The following PCDHA7 variants were observed in gnomAD, a reference collection of about 807,000 sequenced individuals.
PCDHA7 encodes protocadherin alpha-7.
PCDHA7 carries 37 observed loss-of-function variants against 57.2 expected under a neutral mutation model. The ratio of observed to expected loss-of-function variants is 0.65; its 90% CI spans 0.50 to 0.85. The LOEUF (loss-of-function observed/expected upper bound fraction) is 0.85. PCDHA7 is among the 40% of genes least tolerant of loss of function. The pLI, the probability that PCDHA7 is intolerant of heterozygous loss-of-function variation, is 0.00. For missense variants in PCDHA7, 1,188 were observed against 1,241.8 expected (o/e 0.96, Z 0.65); for synonymous variants, 553 against 558.8 (o/e 0.99, Z 0.15).
intron 1 of PCDHA7, chr5:140,928,939 T>G (rs367874769): frequency 6.2e-7 from 1 of 1,614,012 alleles, no homozygotes; most frequent in African/African-American, 1.3e-5. Context: ...CCAGAACTTG[T>G]ATTTAGTAAT....
chr5:140,885,335 A>T (rs183720535), intron 1 of PCDHA7, among the ~76,000 whole-genome samples: 2 of 152,246 alleles, frequency 1.3e-5, no homozygotes, highest in East Asian at 3.9e-4. Context: ...CCAAAGTTTG[A>T]AGGGATTTCC....
intron 1 of PCDHA7, chr5:140,877,494 G>A: frequency 6.2e-7 from 1 of 1,613,890 alleles, no homozygotes; most frequent in Non-Finnish European, 8.5e-7. Context: ...AGAACGGCCA[G>A]GCCCCAAAGA....
intron 1 of PCDHA7, chr5:140,876,774 G>C: frequency 3.7e-6 from 6 of 1,614,228 alleles, no homozygotes; most frequent in Non-Finnish European, 5.1e-6. Flanking sequence ...GCTCGCCTTC[G>C]CTGTGGGCCA....
chr5:140,855,827 A>G lies in PCDHA7; in HGVS notation c.2355+19089A>G. 2 of 557,722 alleles carry G rather than the reference A, an allele frequency of 3.6e-6. 1 individual carries two copies. Among genetic ancestry groups the G allele is most frequent in the South Asian group, 5.7e-5 (2 of 35,188 alleles). 34.5% of individuals were successfully genotyped at this position (557,722 alleles called of 1,614,324 possible). A position where few individuals can be genotyped will look rare whatever the true frequency, so the allele number is the denominator to read the frequency against. The stretch of plus-strand genomic sequence containing the variant: ...GAAAGAAAAGTTGTGAACTCATGGA[A>G]TCGTACTTACACCTAAAGCCACCGG... On this transcript the variant is annotated intron_variant, in intron 1 of 3. Coordinates refer to ENST00000525929, the MANE Select transcript of PCDHA7 (RefSeq NM_018910.3).
intron 1 of PCDHA7, chr5:140,884,342 G>T (rs782616190): frequency 6.2e-7 from 1 of 1,613,902 alleles, no homozygotes; most frequent in Admixed American, 1.7e-5. Flanking sequence ...TCCAGAAGCG[G>T]CGCTGGTGGA....
At chr5:140,918,348 G>A (rs1184826451) in intron 1 of PCDHA7, among the ~76,000 whole-genome samples, 1 of 152,138 alleles carries the variant, frequency 6.6e-6, no homozygotes, top group Non-Finnish European at 1.5e-5. Context: ...GAGATAGGTT[G>A]ACTTCCTCTC....
At position 140,858,049 on chromosome 5, in the gene PCDHA7, G is replaced by T. The variant is rs181372488; in HGVS notation, c.2355+21311G>T. 54 of 1,597,448 alleles carry T rather than the reference G, an allele frequency of 3.4e-5. 4 individuals carry two copies. Among genetic ancestry groups the T allele is most frequent in the Non-Finnish European group, 4.4e-5 (51 of 1,167,426 alleles). On this transcript the variant is annotated intron_variant, in intron 1 of 3. Coordinates refer to ENST00000525929, the MANE Select transcript of PCDHA7 (RefSeq NM_018910.3). ...CGGCCACGGCCACTGTGCTTGTGTC[G>T]CTTGTGGAGGGCAGCCAGGCACCCA... is the stretch of plus-strand genomic sequence containing the variant.
At position 140,982,579 on chromosome 5, in the gene PCDHA7, C is replaced by G. The variant is rs781915481; in HGVS notation, c.2503+16C>G. 7 of 1,612,084 alleles carry G rather than the reference C, an allele frequency of 4.3e-6. No individual in the cohort carries two copies. In the Admixed American group the frequency reaches 1.2e-4, roughly 27 times the overall value. On this transcript the variant is annotated intron_variant, in intron 3 of 3. Coordinates refer to ENST00000525929, the MANE Select transcript of PCDHA7 (RefSeq NM_018910.3). ...GCAACACCAGGTAAAGAGCTGGGGT[C>G]TCTCCATTCTTTCTTGGTTTCTGGA...
intron 1 of PCDHA7, chr5:140,869,913 C>G: frequency 6.2e-7 from 1 of 1,610,754 alleles, no homozygotes; most frequent in Non-Finnish European, 8.5e-7. Flanking sequence ...CAGACCGAGA[C>G]GAAGGAGTCA....
chr5:140,961,155 G>A (rs1214072320), intron 1 of PCDHA7, among the ~76,000 whole-genome samples: 2 of 152,126 alleles, frequency 1.3e-5, no homozygotes, highest in Non-Finnish European at 2.9e-5. Context: ...TATTATTTCA[G>A]TACATATCTA....
chr5:140,999,594 A>G (rs1279617761), intron 3 of PCDHA7, among the ~76,000 whole-genome samples: 25 of 152,186 alleles, frequency 1.6e-4, no homozygotes, highest in Admixed American at 1.4e-3. Flanking sequence ...TGCCTTCCCT[A>G]CATCCTGGGG....
intron 1 of PCDHA7, chr5:140,850,366 T>A (rs1226004214): frequency 1.3e-6 from 2 of 1,597,368 alleles, no homozygotes; most frequent in Non-Finnish European, 1.7e-6. Context: ...CCGTTCCGCG[T>A]GGGGCTGTAC....
chr5:140,967,748 G>T, intron 1 of PCDHA7: 1 of 1,614,204 alleles, frequency 6.2e-7, no homozygotes, highest in Non-Finnish European at 8.5e-7. Context: ...TTATGAGGAA[G>T]CCTCCTCCTA....
intron 1 of PCDHA7, among the ~76,000 whole-genome samples, chr5:140,941,916 A>G (rs191775899): frequency 2.8e-3 from 421 of 152,316 alleles, no homozygotes; most frequent in Middle Eastern, 6.8e-3. Flanking sequence ...GCTTTTATGT[A>G]TATCTTAAAA....
chr5:140,890,632 T>C (rs561301430), intron 1 of PCDHA7, among the ~76,000 whole-genome samples: 28 of 152,330 alleles, frequency 1.8e-4, no homozygotes, highest in African/African-American at 6.0e-4. Context: ...ATTAAGCATG[T>C]ATCCTTGATA....
chr5:140,848,630 G>A (rs143400939), intron 1 of PCDHA7: 3 of 1,593,262 alleles, frequency 1.9e-6, no homozygotes, highest in African/African-American at 2.7e-5. Context: ...GCACCTTCGT[G>A]GGCCGCATCG....
In PCDHA7 at chr5:140,982,463, G is replaced by A. The variant is rs781833977; in HGVS notation, c.2415-12G>A. 1 of 1,614,060 alleles carries A rather than the reference G, an allele frequency of 6.2e-7. No individual in the cohort carries two copies. The highest frequency in any genetic ancestry group is 1.3e-5 in the African/African-American group (1 of 74,928). On this transcript the variant is annotated splice_polypyrimidine_tract_variant and intron_variant, in intron 2 of 3. Coordinates refer to ENST00000525929, the MANE Select transcript of PCDHA7 (RefSeq NM_018910.3). ...TGATCTAACCGTTATCTGGGTCTGT[G>A]TGTTTATTCAGCTCTGTGCACCTAG...
At chr5:141,001,276 T>C (rs2098003991) in intron 3 of PCDHA7, among the ~76,000 whole-genome samples, 1 of 152,210 alleles carries the variant, frequency 6.6e-6, no homozygotes. Context: ...GAACTTTTTT[T>C]ACGGATGAAA....
chr5:140,842,870 G>A, intron 1 of PCDHA7: 1 of 1,594,050 alleles, frequency 6.3e-7, no homozygotes, highest in Non-Finnish European at 8.6e-7. Flanking sequence ...GAGCGGCAAG[G>A]TGTACGCGCT....
Sources: gnomAD v4.1 joint callset for allele counts (sites outside exome capture counted in the v4.1 genomes callset) on GRCh38, gnomAD v4.1.1 for gene constraint, MANE v1.5 for transcripts, NCBI Gene and HGNC (gene_info 2026-07-23, HGNC 2026-07-21) for gene names.